The following RELN variants were observed in gnomAD, a reference collection of about 807,000 sequenced individuals.
RELN encodes the protein reelin.
A neutral mutation model predicts 427.6 loss-of-function variants in RELN; 108 were observed. That is an observed-to-expected ratio of 0.25 (90% CI 0.22 to 0.30). The LOEUF is 0.30. Among genes scored for constraint, RELN ranks in the 10% least tolerant of loss-of-function variants. RELN has a pLI of 1.00. For missense variants in RELN, 3,715 were observed against 4,302.8 expected, an observed-to-expected ratio of 0.86 and a Z score of 3.82; for synonymous variants, 1,524 against 1,513.4, an observed-to-expected ratio of 1.01 and a Z score of -0.16.
At chr7:103,779,732 T>C (rs1416208197) in intron 3 of RELN, among the ~76,000 whole-genome samples, 1 of 152,142 alleles carries the variant, frequency 6.6e-6, no homozygotes, top group Non-Finnish European at 1.5e-5. Flanking sequence ...TCTTTTTTCC[T>C]TCTTTCTTTC....
chr7:103,668,567 G>A (rs1833321909), intron 11 of RELN, among the ~76,000 whole-genome samples: 1 of 152,140 alleles, frequency 6.6e-6, no homozygotes, highest in African/African-American at 2.4e-5. Context: ...TGTATGCCAG[G>A]ATGATTAGGT....
At chr7:103,888,471 T>C (rs1015994708) in intron 2 of RELN, among the ~76,000 whole-genome samples, 1 of 152,104 alleles carries the variant, frequency 6.6e-6, no homozygotes, top group Non-Finnish European at 1.5e-5. Context: ...TACTTTAGTG[T>C]TTATATTTCC....
At chr7:103,926,462 CA>C (rs1383368691) in intron 1 of RELN, among the ~76,000 whole-genome samples, 1 of 151,970 alleles carries the variant, frequency 6.6e-6, no homozygotes, top group Non-Finnish European at 1.5e-5. Context: ...TTCATATTTG[CA>C]ACAACTTTAT....
At chr7:103,826,997 C>A (rs1584272796) in intron 3 of RELN, among the ~76,000 whole-genome samples, 1 of 130,804 alleles carries the variant, frequency 7.6e-6, no homozygotes, top group Non-Finnish European at 1.7e-5. Flanking sequence ...TTTGCTATAG[C>A]TTTTTTTTTT....
intron 2 of RELN, among the ~76,000 whole-genome samples, chr7:103,862,409 T>TTCATCTATCTATCTATCTA (rs57691471): frequency 3.5e-4 from 50 of 144,840 alleles, no homozygotes; most frequent in Non-Finnish European, 5.1e-4. Context: ...TATGCTTTTG[T>TTCATCTATCTATCTATCTA]TCTATCTATC....
chr7:103,966,538 C>A (rs1756288645), intron 1 of RELN, among the ~76,000 whole-genome samples: 1 of 152,078 alleles, frequency 6.6e-6, no homozygotes, highest in Non-Finnish European at 1.5e-5. Flanking sequence ...GAAGAAATGA[C>A]ATTCAAGGAC....
intron 1 of RELN, among the ~76,000 whole-genome samples, chr7:103,974,903 C>A (rs557163370): frequency 6.6e-6 from 1 of 152,312 alleles, no homozygotes; most frequent in Non-Finnish European, 1.5e-5. Context: ...CTGGGAATAA[C>A]AACTTTAAAT....
intron 11 of RELN, among the ~76,000 whole-genome samples, chr7:103,670,955 G>C (rs1361197359): frequency 3.9e-5 from 6 of 151,928 alleles, no homozygotes; most frequent in Non-Finnish European, 8.8e-5. Context: ...CCAGAATAAA[G>C]CCTGGCTATA....
In RELN at chr7:103,697,584, C is replaced by T. The variant is rs566810930; in HGVS notation, c.1143+269G>A. Among the ~76,000 whole-genome samples, 4 of 152,244 alleles carry T rather than the reference C, an allele frequency of 2.6e-5. No homozygotes were observed. In the South Asian group the frequency reaches 6.2e-4, roughly 24 times the overall value. On this transcript the variant is annotated intron_variant, in intron 10 of 64. Transcript: ENST00000428762. ...CACACAATGGGAAGAGACACATCTG[C>T]CTTTTTGTGGTTATATTCTCTGGGT...
chr7:103,659,125 A>G (rs892909499), intron 12 of RELN, among the ~76,000 whole-genome samples: 1 of 151,944 alleles, frequency 6.6e-6, no homozygotes, highest in African/African-American at 2.4e-5. Context: ...TTCATATGGC[A>G]TTCCAGAAAC....
chr7:103,511,279 A>C (rs764565070), intron 50 of RELN, among the ~76,000 whole-genome samples: 1 of 152,194 alleles, frequency 6.6e-6, no homozygotes, highest in Admixed American at 6.5e-5. Flanking sequence ...GTAAATGAAA[A>C]TCAAAAGGAA....
chr7:103,752,892 G>T (rs956218581), intron 5 of RELN, among the ~76,000 whole-genome samples: 1 of 151,976 alleles, frequency 6.6e-6, no homozygotes, highest in Non-Finnish European at 1.5e-5. Context: ...AGGGACTCTG[G>T]GGAAAATTAA....
intron 4 of RELN, among the ~76,000 whole-genome samples, chr7:103,763,925 AG>A (rs1562998659): frequency 6.6e-6 from 1 of 152,142 alleles, no homozygotes; most frequent in Non-Finnish European, 1.5e-5. Context: ...ATGGAAAGAA[AG>A]GGGTTGGTTT....
intron 8 of RELN, among the ~76,000 whole-genome samples, chr7:103,708,265 G>A (rs1197187091): frequency 6.6e-6 from 1 of 152,048 alleles, no homozygotes; most frequent in Non-Finnish European, 1.5e-5. Flanking sequence ...TCTTATGTTA[G>A]AGGTACATGT....
chr7:103,502,078 T>A (rs1430712963), intron 52 of RELN, among the ~76,000 whole-genome samples: 1 of 152,200 alleles, frequency 6.6e-6, no homozygotes, highest in Non-Finnish European at 1.5e-5. Flanking sequence ...AAGACACCGT[T>A]CAACTTACAA....
chr7:103,661,855 G>A (rs1010830890), intron 11 of RELN, among the ~76,000 whole-genome samples: 1 of 152,014 alleles, frequency 6.6e-6, no homozygotes, highest in Non-Finnish European at 1.5e-5. Context: ...TAGTTGAGTT[G>A]GGAAATCAAT....
chr7:103,658,711 T>C (rs1449568735), intron 12 of RELN, among the ~76,000 whole-genome samples: 2 of 152,150 alleles, frequency 1.3e-5, no homozygotes, highest in Middle Eastern at 3.4e-3. Context: ...TATTTTTAAC[T>C]CCATGTATTA....
chr7:103,929,124 C>A (rs1795806422), intron 1 of RELN, among the ~76,000 whole-genome samples: 1 of 152,094 alleles, frequency 6.6e-6, no homozygotes, highest in African/African-American at 2.4e-5. Flanking sequence ...CTTGAATTTA[C>A]CAATGAACCA....
intron 3 of RELN, 86 bp downstream of exon 3, chr7:103,833,451 A>G (rs1793323256): frequency 4.8e-6 from 6 of 1,247,564 alleles, no homozygotes; most frequent in Non-Finnish European, 7.1e-6. Context: ...AAAATAAAAC[A>G]CTTAAATAGT....
Sources: gnomAD v4.1 joint callset for allele counts (sites outside exome capture counted in the v4.1 genomes callset) on GRCh38, gnomAD v4.1.1 for gene constraint, MANE v1.5 for transcripts, NCBI Gene and HGNC (gene_info 2026-07-23, HGNC 2026-07-21) for gene names.